Variants in ZFYVE28 observed in about 807,000 individuals in gnomAD.
ZFYVE28 encodes the protein zinc finger FYVE-type containing 28.
A neutral mutation model predicts 82.1 loss-of-function variants in ZFYVE28; 40 were observed. That is an observed-to-expected ratio of 0.49 (90% CI 0.38 to 0.63). The LOEUF (loss-of-function observed/expected upper bound fraction) is 0.63. Ranked by LOEUF, ZFYVE28 falls within the 30% of genes least tolerant of loss-of-function variation. ZFYVE28 has a pLI of 0.00. For synonymous variants in ZFYVE28, 612 were observed against 546.1 expected (o/e 1.12, Z -1.68); for missense variants, 1,321 against 1,242.1 (o/e 1.06, Z -0.96).
Position 2,271,729 on chromosome 4 carries a change from C to G in ZFYVE28, c.2374G>C (p.Glu792Gln). ...AALEDCALCQ[E>Q]TLSSSELAAK... ...GCCAGTTCAGAGGATGACAGGGTCTCCTGGCACAGTGCACAGTCCTCCAAG... is the reference window on the plus strand; with the variant it reads ...GCCAGTTCAGAGGATGACAGGGTCTGCTGGCACAGTGCACAGTCCTCCAAG... The change falls in exon 11 of 13, where the codon GAG (glutamate) becomes CAG (glutamine). Residue 792 changes from glutamate (E) to glutamine (Q), a missense_variant. Glu to Gln is a conservative substitution (Grantham distance 29, BLOSUM62 2). This residue lies in a region of ZFYVE28 where 978 missense variants were observed against 833.7 expected (regional missense o/e 1.17). Transcript: ENST00000290974. 1 of 1,613,948 alleles carries G rather than the reference C, an allele frequency of 6.2e-7. No individual in the cohort carries two copies. Among genetic ancestry groups the G allele is most frequent in the Non-Finnish European group, 8.5e-7 (1 of 1,180,006 alleles).
At chr4:2,277,074 C>T (rs537002508) in intron 8 of ZFYVE28, among the ~76,000 whole-genome samples, 2 of 152,230 alleles carry the variant, frequency 1.3e-5, no homozygotes, top group African/African-American at 2.4e-5. Context: ...GCCGGATTGG[C>T]GTGGCGCCCG....
intron 8 of ZFYVE28, among the ~76,000 whole-genome samples, chr4:2,290,150 G>A (rs1199236753): frequency 1.3e-5 from 2 of 152,306 alleles, no homozygotes; most frequent in East Asian, 3.9e-4. Context: ...GGGGACTCAC[G>A]TGCAAGATCT....
chr4:2,303,114 G>A (rs1420288209), intron 8 of ZFYVE28, among the ~76,000 whole-genome samples: 1 of 152,170 alleles, frequency 6.6e-6, no homozygotes, highest in Non-Finnish European at 1.5e-5. Context: ...CCGGGAACCA[G>A]GCCCAGCCCA....
chr4:2,412,017 G>T (rs1490616159), intron 1 of ZFYVE28, among the ~76,000 whole-genome samples: 1 of 152,208 alleles, frequency 6.6e-6, no homozygotes, highest in African/African-American at 2.4e-5. Flanking sequence ...GTGCTCACGT[G>T]GTGAGTGAGC....
intron 6 of ZFYVE28, among the ~76,000 whole-genome samples, chr4:2,323,107 T>C (rs1222547093): frequency 6.6e-6 from 1 of 152,258 alleles, no homozygotes; most frequent in Non-Finnish European, 1.5e-5. Flanking sequence ...AATTCTATGT[T>C]TAACTTTTTA....
chr4:2,282,534 C>G (rs1712102291), intron 8 of ZFYVE28, among the ~76,000 whole-genome samples: 1 of 152,132 alleles, frequency 6.6e-6, no homozygotes, highest in Non-Finnish European at 1.5e-5. Flanking sequence ...TTGGATAGAG[C>G]AGAAGAGGGA....
rs1349300848 is a variant in ZFYVE28, at chr4:2,418,330, G to T, written c.-7C>A. On this transcript the variant is annotated 5_prime_UTR_variant, in exon 1 of 13. Coordinates refer to ENST00000290974, the MANE Select transcript of ZFYVE28 (RefSeq NM_020972.3). The surrounding 1 kb of genome is among the most constrained non-coding windows in gnomAD (Gnocchi z 4.6). ...TTCGGAACCTGTTCATCATCGCCGC[G>T]CCGGCCCTGGCCGGACTCCGGGCGG... 3.3e-6 allele frequency: 5 copies of T among 1,507,122 alleles called. No individual in the cohort carries two copies. The highest frequency in any genetic ancestry group is 4.4e-6 in the Non-Finnish European group (5 of 1,125,576). 93.4% of individuals were successfully genotyped at this position (1,507,122 alleles called of 1,614,324 possible).
chr4:2,369,506 T>C (rs1460527813), intron 1 of ZFYVE28, among the ~76,000 whole-genome samples: 1 of 151,944 alleles, frequency 6.6e-6, no homozygotes, highest in African/African-American at 2.4e-5. Flanking sequence ...GTCTGGAATG[T>C]GTGAATATGA....
chr4:2,397,348 C>G (rs1027184823), intron 1 of ZFYVE28, among the ~76,000 whole-genome samples: 1 of 151,816 alleles, frequency 6.6e-6, no homozygotes, highest in Non-Finnish European at 1.5e-5. Flanking sequence ...CGTGGCGGCA[C>G]GTGCCTGTAA....
Position 2,394,340 on chromosome 4 carries a change from A to G in ZFYVE28, c.39+23945T>C, listed in dbSNP as rs1246102880. On this transcript the variant is annotated intron_variant, in intron 1 of 12. Transcript: ENST00000290974. This position sits in a 1 kb window ranked among gnomAD's most constrained non-coding sequence, Gnocchi z 4.0. ...TGGGGGCCATCATTCTGCCTGCCGC[A>G]GGTGGCACAGCTGGGTCACCCACCC... Among the ~76,000 whole-genome samples the G allele has an allele frequency of 6.6e-6, 1 of 152,114 alleles. No homozygotes were observed. Among genetic ancestry groups the G allele is most frequent in the Admixed American group, 6.5e-5 (1 of 15,274 alleles).
At chr4:2,388,345 T>C (rs568806642) in intron 1 of ZFYVE28, among the ~76,000 whole-genome samples, 2 of 152,250 alleles carry the variant, frequency 1.3e-5, no homozygotes, top group South Asian at 4.1e-4. Flanking sequence ...CCAGCACAAT[T>C]ACCCCATGGA....
chr4:2,313,409 T>C (rs780744452), intron 7 of ZFYVE28, among the ~76,000 whole-genome samples: 2 of 152,072 alleles, frequency 1.3e-5, no homozygotes, highest in Non-Finnish European at 2.9e-5. Flanking sequence ...CACAGATATG[T>C]GCCACCACAC....
chr4:2,345,472 G>GA (rs1360840215), intron 2 of ZFYVE28, among the ~76,000 whole-genome samples: 1 of 151,562 alleles, frequency 6.6e-6, no homozygotes, highest in Non-Finnish European at 1.5e-5. Flanking sequence ...CAATATTTCA[G>GA]AAAAAAAGAA....
intron 8 of ZFYVE28, among the ~76,000 whole-genome samples, chr4:2,279,585 C>G (rs907775962): frequency 6.6e-6 from 1 of 152,128 alleles, no homozygotes; most frequent in African/African-American, 2.4e-5. Flanking sequence ...CGAGACCATC[C>G]TGGCTAACAC....
chr4:2,405,232 C>T (rs892747373), intron 1 of ZFYVE28, among the ~76,000 whole-genome samples: 2 of 152,158 alleles, frequency 1.3e-5, no homozygotes, highest in Non-Finnish European at 2.9e-5. Context: ...GTGTCTTCCC[C>T]ATACTCCAAG....
In ZFYVE28 at chr4:2,418,523, C is replaced by G. The variant is rs1023199195; in HGVS notation, c.-200G>C. 43 of 194,932 alleles carry G rather than the reference C, an allele frequency of 2.2e-4. No individual in the cohort carries two copies. Among genetic ancestry groups the G allele is most frequent in the Admixed American group, 9.0e-4 (14 of 15,558 alleles). The allele number at this position is 194,932 out of a possible 1,614,324, so 12.1% of individuals were successfully genotyped here. A position where few individuals can be genotyped will look rare whatever the true frequency, so the allele number is the denominator to read the frequency against. On this transcript the variant is annotated 5_prime_UTR_variant, in exon 1 of 13. Transcript: ENST00000290974. This position sits in a 1 kb window ranked among gnomAD's most constrained non-coding sequence, Gnocchi z 4.6. ...GCAGGTGCGCGGCCCTGAGTATGCT[C>G]TGCAAGCGGCGCGCCGGGCAGACCT...
At chr4:2,410,582 G>A (rs892638442) in intron 1 of ZFYVE28, among the ~76,000 whole-genome samples, 4 of 150,866 alleles carry the variant, frequency 2.7e-5, no homozygotes, top group African/African-American at 7.3e-5. Context: ...TGCAAGCTCC[G>A]CCTCCCAGGT....
intron 5 of ZFYVE28, among the ~76,000 whole-genome samples, chr4:2,337,112 C>G (rs973917984): frequency 1.3e-5 from 2 of 151,122 alleles, no homozygotes; most frequent in Admixed American, 6.6e-5. Context: ...AGCCTTCCAG[C>G]TTTTGTCCTC....
intron 1 of ZFYVE28, among the ~76,000 whole-genome samples, chr4:2,386,520 G>A (rs958509299): frequency 2.0e-5 from 3 of 152,176 alleles, no homozygotes; most frequent in Non-Finnish European, 4.4e-5. Flanking sequence ...AGAGGTGACT[G>A]ACTGTCCTCA....
Sources: gnomAD v4.1 joint callset for allele counts (sites outside exome capture counted in the v4.1 genomes callset) on GRCh38, gnomAD v4.1.1 for gene constraint, gnomAD v4.1.1 regional missense constraint, Gnocchi (gnomAD v3.1) non-coding constraint, MANE v1.5 for transcripts, NCBI Gene and HGNC (gene_info 2026-07-23, HGNC 2026-07-21) for gene names.